The following FYCO1 variants were observed in gnomAD, a reference collection of about 807,000 sequenced individuals.
FYCO1 encodes FYVE and coiled-coil domain-containing protein 1.
A neutral mutation model predicts 165.1 loss-of-function variants in FYCO1; 122 were observed. That is an observed-to-expected ratio of 0.74 (90% CI 0.64 to 0.86). FYCO1 has a LOEUF of 0.86. FYCO1 is among the 40% of genes least tolerant of loss of function. FYCO1 has a pLI of 0.00. For missense variants in FYCO1, 1,702 were observed against 1,810.3 expected (o/e 0.94, Z 1.09); for synonymous variants, 648 against 742.5 (o/e 0.87, Z 2.07).
chr3:45,966,558 G>A lies in FYCO1; in HGVS notation c.2776C>T (p.Leu926=). 6.2e-7 allele frequency: 1 copy of A among 1,614,202 alleles called. No homozygotes were observed. Residue 926 remains leucine (L), a synonymous_variant, in exon 8 of 18, where the codon CTG becomes TTG. Transcript: ENST00000296137. ...TGGAGCTCCTGGACAGCACAGGCCAGTGCCTCCTCCACTCGCTCCTTTTCC... is the reference window on the plus strand; with the variant it reads ...TGGAGCTCCTGGACAGCACAGGCCAATGCCTCCTCCACTCGCTCCTTTTCC... ...TVEKERVEEA[L]ACAVQELQDA... is the part of the protein sequence containing the mutation.
At position 45,937,004 on chromosome 3, in the gene FYCO1, G is replaced by A. The variant is rs186079278; in HGVS notation, c.3945-461C>T. ...AGATTTTTAACACCTTCTGAATTACGGATCCTTAGAACATTTTGGCAAATT... is the reference window on the plus strand; with the variant it reads ...AGATTTTTAACACCTTCTGAATTACAGATCCTTAGAACATTTTGGCAAATT... On this transcript the variant is annotated intron_variant, in intron 14 of 17. Coordinates refer to ENST00000296137, the MANE Select transcript of FYCO1 (RefSeq NM_024513.4). 1.3e-3 allele frequency among the ~76,000 whole-genome samples: 200 copies of A among 152,194 alleles called. 1 individual carries two copies. The highest frequency in any genetic ancestry group is 0.01 in the Middle Eastern group (3 of 294).
At chr3:45,986,193 G>A (rs1343953254) in intron 1 of FYCO1, among the ~76,000 whole-genome samples, 2 of 152,204 alleles carry the variant, frequency 1.3e-5, no homozygotes, top group African/African-American at 4.8e-5. Context: ...TTTCAAACCT[G>A]GTGGTTTTCC....
chr3:45,925,778 G>A (rs911850907), intron 16 of FYCO1, among the ~76,000 whole-genome samples: 9 of 152,192 alleles, frequency 5.9e-5, no homozygotes, highest in Admixed American at 6.5e-5. Flanking sequence ...TAGCATCTGG[G>A]TGGGAGAGAG....
chr3:45,937,812 ACCT>A (rs1703983225), intron 14 of FYCO1, among the ~76,000 whole-genome samples: 1 of 151,460 alleles, frequency 6.6e-6, no homozygotes, highest in East Asian at 1.9e-4. Flanking sequence ...CTTGCCTAAC[ACCT>A]CCTTCTTTTT....
chr3:45,992,257 C>T (rs1707594951), intron 1 of FYCO1, among the ~76,000 whole-genome samples: 1 of 152,078 alleles, frequency 6.6e-6, no homozygotes, highest in Non-Finnish European at 1.5e-5. Context: ...TGCTGGTGGG[C>T]CTGGGTTCTG....
At chr3:45,980,571 G>T (rs1706994267) in intron 3 of FYCO1, among the ~76,000 whole-genome samples, 2 of 152,038 alleles carry the variant, frequency 1.3e-5, no homozygotes, top group African/African-American at 4.8e-5. Context: ...AAAAAGAAAG[G>T]CTCAAAAACA....
In FYCO1 at chr3:45,982,312, C is replaced by CA. The variant is rs11331781; in HGVS notation, c.56-637dup. Reference sequence around the variant, plus strand: ...TACAGTTTCAGAGCTGTTAAAATGTCAAAAAAAAAAGTACAATTTAGAATC... The same window carrying CA: ...TACAGTTTCAGAGCTGTTAAAATGTCAAAAAAAAAAAGTACAATTTAGAATC... On this transcript the variant is annotated intron_variant, in intron 2 of 17. Transcript: ENST00000296137. Among the ~76,000 whole-genome samples, 144 of 147,126 alleles carry CA rather than the reference C, an allele frequency of 9.8e-4. 1 individual carries two copies. Among genetic ancestry groups the CA allele is most frequent in the South Asian group, 4.7e-3 (22 of 4,642 alleles).
chr3:45,969,563 T>A (rs915737158), intron 7 of FYCO1, 112 bp downstream of exon 7: 2 of 799,122 alleles, frequency 2.5e-6, no homozygotes, highest in Admixed American at 4.0e-5. Flanking sequence ...GTGGTTCTAT[T>A]GCTCTGGCTG....
chr3:45,966,353 T>C lies in FYCO1; in HGVS notation c.2981A>G (p.Glu994Gly), dbSNP rs1452238371. The change falls in exon 8 of 18, where the codon GAG becomes GGG. Residue 994 changes from glutamate to glycine, a missense_variant. Transcript: ENST00000296137. ...GGTGTTGAGCTCCTGGTGTGCAGCC[T>C]CTTGGAGGCTCTGGGCCCGCTGCTC... is the stretch of plus-strand genomic sequence containing the variant. Reference protein sequence around the residue: ...QAEQRAQSLQEAAHQELNTLK... With the variant: ...QAEQRAQSLQGAAHQELNTLK... 1 of 1,614,194 alleles carries C rather than the reference T, an allele frequency of 6.2e-7. No homozygotes were observed. Among genetic ancestry groups the C allele is most frequent in the Admixed American group, 1.7e-5 (1 of 60,034 alleles).
In FYCO1 at chr3:45,958,429, G is replaced by A. The variant is rs1463766882; in HGVS notation, c.3778C>T (p.Pro1260Ser). ...SPALSPASPGPQATGGQGANT... is the reference protein window; with the variant it reads ...SPALSPASPGSQATGGQGANT... ...TGACCTTGGCCTCCTGTGGCCTGGG[G>A]CCCAGGTGAGGCTGGTGACAGTGCA... The change falls in exon 13 of 18, where the codon CCC (proline) becomes TCC (serine). Residue 1260 changes from proline (P) to serine (S), a missense_variant. By Grantham distance (74) the Pro-to-Ser change is moderately conservative. Transcript: ENST00000296137. The A allele has an allele frequency of 3.1e-6, 5 of 1,612,578 alleles. No homozygotes were observed. Among genetic ancestry groups the A allele is most frequent in the Non-Finnish European group, 4.2e-6 (5 of 1,179,980 alleles).
Position 45,921,555 on chromosome 3 carries a change from T to C in FYCO1, c.*210A>G, listed in dbSNP as rs1703090945. ...GCTGAGTCTCTACTTAATGGAAACA[T>C]TGCCTGAGCCCTTCAACGCCTCGGG... is the stretch of plus-strand genomic sequence containing the variant. On this transcript the variant is annotated 3_prime_UTR_variant, in exon 18 of 18. Transcript: ENST00000296137. The C allele has an allele frequency of 7.0e-6, 4 of 571,528 alleles. No individual in the cohort carries two copies. Among genetic ancestry groups the C allele is most frequent in the Admixed American group, 2.7e-5 (1 of 36,594 alleles). 35.4% of individuals were successfully genotyped at this position (571,528 alleles called of 1,614,324 possible).
Position 45,967,858 on chromosome 3 carries a change from C to G in FYCO1, c.1476G>C (p.Arg492=). The stretch of plus-strand genomic sequence containing the variant: ...TCTCCTCCTGTTGCTGTTTTTTCTC[C>G]CGCCTCAACTCTGCTAGCTCCTCCT... The part of the protein sequence containing the change: ...SWEEELAELR[R]EKKQQQEEKE... Residue 492 remains arginine, a synonymous_variant, in exon 8 of 18, where the codon CGG becomes CGC. Transcript: ENST00000296137. 1 of 1,614,100 alleles carries G rather than the reference C, an allele frequency of 6.2e-7. No homozygotes were observed.
chr3:45,954,441 T>C (rs1400799803), intron 14 of FYCO1, among the ~76,000 whole-genome samples: 1 of 152,136 alleles, frequency 6.6e-6, no homozygotes, highest in Non-Finnish European at 1.5e-5. Flanking sequence ...CACTAAGCCA[T>C]ACTCTGCCTT....
In FYCO1 at chr3:45,920,739, C is replaced by T. The variant is rs774022554; in HGVS notation, c.*1026G>A. The T allele has an allele frequency of 2.0e-5, 3 of 152,654 alleles. No individual in the cohort carries two copies. The highest frequency in any genetic ancestry group is 1.3e-4 in the Admixed American group (2 of 15,280). The allele number at this position is 152,654 out of a possible 1,614,324, so 9.5% of individuals were successfully genotyped here. A position where few individuals can be genotyped will look rare whatever the true frequency, so the allele number is the denominator to read the frequency against. On this transcript the variant is annotated 3_prime_UTR_variant, in exon 18 of 18. Transcript: ENST00000296137. ...CATCATGCCTCTGTTTACTCTGTTA[C>T]TTTGGTTCTTAAGTTATCAAAGACT...
chr3:45,926,724 G>A (rs1703336164), intron 16 of FYCO1, among the ~76,000 whole-genome samples: 1 of 152,180 alleles, frequency 6.6e-6, no homozygotes, highest in African/African-American at 2.4e-5. Context: ...CAACACTTCG[G>A]GAGGCCGAGG....
At chr3:45,949,043 T>A (rs1185204513) in intron 14 of FYCO1, among the ~76,000 whole-genome samples, 1 of 152,204 alleles carries the variant, frequency 6.6e-6, no homozygotes, top group Non-Finnish European at 1.5e-5. Context: ...CCATGTCAGC[T>A]CCGTGGGTTA....
intron 1 of FYCO1, among the ~76,000 whole-genome samples, chr3:45,986,826 A>C (rs1204752542): frequency 3.3e-5 from 5 of 152,162 alleles, no homozygotes; most frequent in African/African-American, 1.2e-4. Flanking sequence ...CCCTAGAGAG[A>C]GCCAGAGAGG....
intron 15 of FYCO1, among the ~76,000 whole-genome samples, chr3:45,932,640 G>C (rs1425197747): frequency 6.6e-6 from 1 of 152,166 alleles, no homozygotes; most frequent in Non-Finnish European, 1.5e-5. Flanking sequence ...GTGGTGCTGA[G>C]CGTTCATCTG....
Position 45,924,607 on chromosome 3 carries a change from C to T in FYCO1, c.4252-842G>A, listed in dbSNP as rs552880168. ...TAGGAGATAAGGCAGAGCCAGTCAA[C>T]ATTTTTTTTTCCTTTTTTTTTCTGA... On this transcript the variant is annotated intron_variant, in intron 16 of 17. Coordinates refer to ENST00000296137, the MANE Select transcript of FYCO1 (RefSeq NM_024513.4). 7.2e-5 allele frequency among the ~76,000 whole-genome samples: 11 copies of T among 152,078 alleles called. No individual in the cohort carries two copies. The South Asian group carries it at 2.3e-3, about 32-fold the overall frequency.
Sources: gnomAD v4.1 joint callset for allele counts (sites outside exome capture counted in the v4.1 genomes callset) on GRCh38, gnomAD v4.1.1 for gene constraint, MANE v1.5 for transcripts, NCBI Gene and HGNC (gene_info 2026-07-23, HGNC 2026-07-21) for gene names.